B3GLCT: variants seen among roughly 807,000 people sequenced by gnomAD.
B3GLCT encodes the protein beta-1,3-glucosyltransferase.
Under a neutral mutation model 63.4 loss-of-function variants are expected in B3GLCT, and 65 were observed. The ratio of observed to expected loss-of-function variants is 1.03; its 90% confidence interval spans 0.84 to 1.26. The LOEUF is 1.26. Among genes scored for constraint, B3GLCT ranks in the 50% most tolerant of loss-of-function variants. The pLI is 0.00. For synonymous variants in B3GLCT, 233 were observed against 219.2 expected (o/e 1.06, Z -0.55); for missense variants, 577 against 604.8 (o/e 0.95, Z 0.48).
chr13:31,316,430 T>A (rs866688223), intron 12 of B3GLCT, among the ~76,000 whole-genome samples: 5 of 118,192 alleles, frequency 4.2e-5, no homozygotes, highest in African/African-American at 9.5e-5. Flanking sequence ...TATATATATA[T>A]AAATTTTTTT....
At chr13:31,308,648 C>T (rs1874537499) in intron 12 of B3GLCT, among the ~76,000 whole-genome samples, 1 of 152,174 alleles carries the variant, frequency 6.6e-6, no homozygotes, top group African/African-American at 2.4e-5. Context: ...ACCAAAGATA[C>T]TGCCCCTAAA....
At chr13:31,295,687 G>C (rs1277857179) in intron 12 of B3GLCT, among the ~76,000 whole-genome samples, 3 of 152,168 alleles carry the variant, frequency 2.0e-5, no homozygotes, top group South Asian at 2.1e-4. Context: ...AGCATCCCAG[G>C]GGGACTTCAG....
chr13:31,205,234 GGTTTTTTTTTTTT>G (rs1219068756), intron 1 of B3GLCT, among the ~76,000 whole-genome samples: 1 of 150,980 alleles, frequency 6.6e-6, no homozygotes, highest in Non-Finnish European at 1.5e-5. Context: ...AATTTGAGTA[GGTTTTTTTTTTTT>G]GTTTTTTTTT....
At chr13:31,201,302 A>G (rs1868656936) in intron 1 of B3GLCT, among the ~76,000 whole-genome samples, 1 of 152,196 alleles carries the variant, frequency 6.6e-6, no homozygotes, top group South Asian at 2.1e-4. Context: ...AATTTGCTGC[A>G]TTTGTGTACT....
At chr13:31,287,558 A>G (rs1185503732) in intron 12 of B3GLCT, among the ~76,000 whole-genome samples, 1 of 152,226 alleles carries the variant, frequency 6.6e-6, no homozygotes, top group Non-Finnish European at 1.5e-5. Context: ...AAAACTCAAG[A>G]AGACTTACAG....
At chr13:31,264,457 C>T (rs1273995116) in intron 7 of B3GLCT, among the ~76,000 whole-genome samples, 3 of 152,106 alleles carry the variant, frequency 2.0e-5, no homozygotes, top group African/African-American at 7.2e-5. Context: ...CTTCTCCCTA[C>T]CTCCTCTCCC....
intron 6 of B3GLCT, among the ~76,000 whole-genome samples, chr13:31,249,666 C>T (rs368731792): frequency 5.3e-5 from 8 of 152,194 alleles, no homozygotes; most frequent in African/African-American, 1.9e-4. Flanking sequence ...AAAGCAAGTA[C>T]AGAACAGAGG....
At chr13:31,302,417 G>A (rs1203784549) in intron 12 of B3GLCT, among the ~76,000 whole-genome samples, 3 of 148,666 alleles carry the variant, frequency 2.0e-5, no homozygotes, top group African/African-American at 7.5e-5. Flanking sequence ...CTGAGGTACC[G>A]GGTTCATCTC....
intron 10 of B3GLCT, among the ~76,000 whole-genome samples, chr13:31,277,364 A>T (rs1872845284): frequency 6.6e-6 from 1 of 151,824 alleles, no homozygotes; most frequent in Admixed American, 6.6e-5. Context: ...TCATTACAGA[A>T]TTCTGCTAAG....
intron 12 of B3GLCT, among the ~76,000 whole-genome samples, chr13:31,305,208 T>A: frequency 2.2e-5 from 1 of 46,028 alleles, no homozygotes; most frequent in Non-Finnish European, 4.0e-5. Context: ...TAGCACTAAA[T>A]GCCTACAAGA....
rs1384725593 is a variant in B3GLCT at position 31,317,508 on chromosome 13, G to C, written c.1065-58G>C. The C allele has an allele frequency of 2.5e-6, 4 of 1,605,830 alleles. No individual in the cohort carries two copies. In the Admixed American group the frequency reaches 6.7e-5, roughly 27 times the overall value. On this transcript the variant is annotated intron_variant, in intron 12 of 14. Transcript: ENST00000343307. The stretch of plus-strand genomic sequence containing the variant: ...GAGTGGGATGTAAGAACCATAAACT[G>C]TTCCATAACCACGTTTGAATCAAAT...
intron 6 of B3GLCT, among the ~76,000 whole-genome samples, chr13:31,257,063 A>T (rs928554513): frequency 7.9e-5 from 12 of 152,148 alleles, no homozygotes; most frequent in African/African-American, 2.7e-4. Flanking sequence ...TTCTATAATA[A>T]TTTTTTTAAA....
At chr13:31,229,736 A>G (rs370392598) in intron 4 of B3GLCT, among the ~76,000 whole-genome samples, 69 of 149,288 alleles carry the variant, frequency 4.6e-4, no homozygotes, top group African/African-American at 1.6e-3. Flanking sequence ...ACAGAGTGGG[A>G]CTCCTCTGTC....
chr13:31,292,888 T>C (rs939307174), intron 12 of B3GLCT, among the ~76,000 whole-genome samples: 1 of 152,154 alleles, frequency 6.6e-6, no homozygotes. Context: ...CTAGTTCTTT[T>C]AATTGTGATG....
rs368566969 is a variant in B3GLCT at position 31,274,619 on chromosome 13, A to T, written c.771A>T (p.Leu257=). The change falls in exon 9 of 15, where the codon CTA becomes CTT. Residue 257 remains leucine, a synonymous_variant. Coordinates refer to ENST00000343307, the MANE Select transcript of B3GLCT (RefSeq NM_194318.4). ...FYCATTFHSF[L]PLCRKPVKKK... Reference sequence around the variant, plus strand: ...GTGCTACCACATTCCATTCTTTTCTACCGCTTTGTGTGAGTAACAGAAGAA... The same window carrying T: ...GTGCTACCACATTCCATTCTTTTCTTCCGCTTTGTGTGAGTAACAGAAGAA... 1.2e-5 allele frequency: 19 copies of T among 1,613,988 alleles called. No homozygotes were observed. The East Asian group carries it at 4.2e-4, about 36-fold the overall frequency.
chr13:31,225,295 TA>T (rs1870041317), intron 3 of B3GLCT, among the ~76,000 whole-genome samples: 1 of 152,152 alleles, frequency 6.6e-6, no homozygotes. Context: ...GGAATTGTCT[TA>T]TTTAGCTCTG....
chr13:31,258,180 C>T (rs1871836240), intron 6 of B3GLCT, among the ~76,000 whole-genome samples: 1 of 152,186 alleles, frequency 6.6e-6, no homozygotes, highest in South Asian at 2.1e-4. Context: ...AAGCTGCCTA[C>T]TTCATACTGT....
intron 10 of B3GLCT, among the ~76,000 whole-genome samples, chr13:31,282,745 A>G (rs1014290602): frequency 5.9e-5 from 9 of 152,160 alleles, no homozygotes; most frequent in Non-Finnish European, 1.3e-4. Flanking sequence ...TAGAATCATA[A>G]TATCTTAGTA....
chr13:31,319,934 C>T (rs912416914), intron 13 of B3GLCT, among the ~76,000 whole-genome samples: 2 of 152,152 alleles, frequency 1.3e-5, no homozygotes, highest in East Asian at 1.9e-4. Context: ...TCCTTCTTTC[C>T]CCACTCCCTG....
Sources: allele counts gnomAD v4.1 joint callset (sites outside exome capture counted in the v4.1 genomes callset), GRCh38; gene constraint gnomAD v4.1.1; transcripts MANE v1.5; gene names NCBI Gene and HGNC (gene_info 2026-07-23, HGNC 2026-07-21).